The following SECISBP2L variants were observed in gnomAD, a reference collection of about 807,000 sequenced individuals.
The protein encoded by SECISBP2L is SECIS binding protein 2 like, also known as selenocysteine insertion sequence-binding protein 2-like.
Under a neutral mutation model 114.7 loss-of-function variants are expected in SECISBP2L, and 43 were observed. That is an observed-to-expected ratio of 0.38 (90% CI 0.29 to 0.48). SECISBP2L has a LOEUF of 0.48. SECISBP2L is among the 20% of genes least tolerant of loss of function. The probability of loss-of-function intolerance (pLI) is 0.98; values close to 1 mark genes in which losing one functional copy is unlikely to be tolerated. For synonymous variants in SECISBP2L, 451 were observed against 439.7 expected, an observed-to-expected ratio of 1.03 and a Z score of -0.32; for missense variants, 1,136 against 1,301.1, an observed-to-expected ratio of 0.87 and a Z score of 1.95.
At chr15:49,003,871 G>A (rs1372373601) in intron 14 of SECISBP2L, among the ~76,000 whole-genome samples, 1 of 152,218 alleles carries the variant, frequency 6.6e-6, no homozygotes, top group Admixed American at 6.5e-5. Context: ...CCGCATCGAT[G>A]TTCATCAGGG....
rs17470994 is a variant in SECISBP2L, at chr15:49,012,128, G to C, written c.1732-265C>G. Among the ~76,000 whole-genome samples the C allele has an allele frequency of 0.062, 6,837 of 110,076 alleles. 229 individuals are homozygous for C. The highest frequency in any genetic ancestry group is 0.11 in the Middle Eastern group (24 of 220). 72.2% of individuals were successfully genotyped at this position (110,076 alleles called of 152,430 possible). ...TTTAAATCCTAGGTGGCAAACTAGA[G>C]TTTCCAAAAAAAAAAAGGGTAAATT... is the stretch of plus-strand genomic sequence containing the variant. On this transcript the variant is annotated intron_variant, in intron 12 of 17. Coordinates refer to ENST00000559471, the MANE Select transcript of SECISBP2L (RefSeq NM_001193489.2).
At chr15:49,005,660 T>C (rs1902306699) in intron 14 of SECISBP2L, among the ~76,000 whole-genome samples, 1 of 149,346 alleles carries the variant, frequency 6.7e-6, no homozygotes, top group African/African-American at 2.5e-5. Flanking sequence ...GCACGTGAGA[T>C]GGGTCTCCTG....
rs755370605 is a variant in SECISBP2L, at chr15:49,000,962, A to C, written c.2163T>G (p.Gly721=). The change falls in exon 15 of 18, where the codon GGT becomes GGG. Residue 721 remains glycine, a synonymous_variant. Coordinates refer to ENST00000559471, the MANE Select transcript of SECISBP2L (RefSeq NM_001193489.2). ...TCATATGTTTGGTAACTTCTCTTAG[A>C]CCCATAACGAGTCGTCTCCTTGCTT... ...RAKARRRLVM[G]LREVTKHMKL... The C allele has an allele frequency of 3.1e-6, 5 of 1,613,704 alleles. No individual in the cohort carries two copies. In the South Asian group the frequency reaches 5.5e-5, roughly 18 times the overall value.
At chr15:49,024,068 C>T (rs188998469) in intron 7 of SECISBP2L, among the ~76,000 whole-genome samples, 4 of 151,926 alleles carry the variant, frequency 2.6e-5, no homozygotes, top group African/African-American at 7.2e-5. Flanking sequence ...AGACCTATAC[C>T]AGACTAAAGA....
At position 48,992,565 on chromosome 15, in the gene SECISBP2L, A is replaced by G. The variant is rs377620350; in HGVS notation, c.2985T>C (p.Asp995=). Residue 995 remains aspartate (D), a synonymous_variant, in exon 18 of 18, where the codon GAT becomes GAC. Transcript: ENST00000559471. ...PGMLEEEEDE[D]EEEEEDYTHE... is the part of the protein sequence containing the mutation. Reference sequence around the variant, plus strand: ...GAGTATAATCTTCCTCCTCCTCCTCATCTTCATCTTCTTCTTCTTCAAGCA... The same window carrying G: ...GAGTATAATCTTCCTCCTCCTCCTCGTCTTCATCTTCTTCTTCTTCAAGCA... The G allele has an allele frequency of 1.2e-6, 2 of 1,613,536 alleles. No homozygotes were observed. Among genetic ancestry groups the G allele is most frequent in the African/African-American group, 1.3e-5 (1 of 74,756 alleles).
chr15:49,021,089 G>A (rs1902632549), intron 7 of SECISBP2L, among the ~76,000 whole-genome samples: 2 of 151,968 alleles, frequency 1.3e-5, no homozygotes, highest in African/African-American at 2.4e-5. Flanking sequence ...TGAGGGCAGA[G>A]CCATCACAAA....
Position 48,999,903 on chromosome 15 carries a change from G to A in SECISBP2L, c.2333C>T (p.Ala778Val). 1 of 1,613,994 alleles carries A rather than the reference G, an allele frequency of 6.2e-7. No individual in the cohort carries two copies. The change falls in exon 16 of 18, where the codon GCT becomes GTT. Residue 778 changes from alanine to valine, a missense_variant. Physicochemically the swap from Ala to Val is moderately conservative, Grantham distance 64. Transcript: ENST00000559471. ...IPFVFALGRK[A>V]LGRCVNKLVP... ...CAGCTTGTTCACACAGCGTCCTAGA[G>A]CTTTCCTTCCAAGGGCAAACACAAA...
chr15:49,019,314 T>C (rs1372090394), intron 8 of SECISBP2L, 104 bp downstream of exon 8: 6 of 903,252 alleles, frequency 6.6e-6, no homozygotes, highest in Non-Finnish European at 8.8e-6. Context: ...TAGAATCACA[T>C]GTTAAGACAT....
rs575199409 is a variant in SECISBP2L, at chr15:49,011,075, C to T, written c.1864+656G>A. On this transcript the variant is annotated intron_variant, in intron 13 of 17. Transcript: ENST00000559471. ...AATCTTTAGAAATCAACTCATTTTT[C>T]TAAAAACAATGAAACATTGTTGCTT... Among the ~76,000 whole-genome samples, 135 of 152,228 alleles carry T rather than the reference C, an allele frequency of 8.9e-4. 1 individual carries two copies. The highest frequency in any genetic ancestry group is 3.1e-3 in the African/African-American group (130 of 41,542).
intron 7 of SECISBP2L, among the ~76,000 whole-genome samples, chr15:49,024,450 C>T (rs536457214): frequency 7.4e-5 from 11 of 148,618 alleles, no homozygotes; most frequent in South Asian, 4.2e-4. Context: ...GAGCTAAGAT[C>T]GTGCCACTGC....
At chr15:49,044,433 G>A (rs1031128619) in intron 1 of SECISBP2L, among the ~76,000 whole-genome samples, 8 of 152,094 alleles carry the variant, frequency 5.3e-5, no homozygotes, top group Admixed American at 5.2e-4. Context: ...CTAGAAAAAG[G>A]CATATAAAGA....
chr15:49,013,675 C>T (rs906459322), intron 11 of SECISBP2L, among the ~76,000 whole-genome samples: 2 of 152,292 alleles, frequency 1.3e-5, no homozygotes, highest in African/African-American at 4.8e-5. Context: ...AAATCCCCAA[C>T]CTCAATCCTC....
chr15:48,989,103 A>G lies in SECISBP2L; in HGVS notation c.*3141T>C, dbSNP rs1055547583. 6.6e-6 allele frequency: 1 copy of G among 150,856 alleles called. No homozygotes were observed. The highest frequency in any genetic ancestry group is 1.5e-5 in the Non-Finnish European group (1 of 67,656). The allele number at this position is 150,856 out of a possible 1,614,324, so 9.3% of individuals were successfully genotyped here. A position where few individuals can be genotyped will look rare whatever the true frequency, so the allele number is the denominator to read the frequency against. ...GTTGATGTTCTAACCTGTTGGCCCA[A>G]CATACAGAAAATACATGACAAGGGT... On this transcript the variant is annotated 3_prime_UTR_variant, in exon 18 of 18. Transcript: ENST00000559471.
intron 1 of SECISBP2L, among the ~76,000 whole-genome samples, chr15:49,045,888 G>T (rs968477505): frequency 6.6e-5 from 10 of 152,050 alleles, no homozygotes; most frequent in Non-Finnish European, 4.4e-5. Flanking sequence ...AGTCTTTCTG[G>T]GTGAGAAGCC....
intron 14 of SECISBP2L, 47 bp from the exon 15 acceptor site, chr15:49,001,144 CTA>C (rs766528308): frequency 1.4e-5 from 18 of 1,294,520 alleles, no homozygotes; most frequent in Non-Finnish European, 1.8e-5. Context: ...ATTTTTTTCC[CTA>C]TAGTTATAAA....
intron 14 of SECISBP2L, among the ~76,000 whole-genome samples, chr15:49,005,645 T>C (rs1349040316): frequency 6.7e-6 from 1 of 149,582 alleles, no homozygotes; most frequent in South Asian, 2.2e-4. Context: ...CCTATGTGTG[T>C]CTTTGCACGT....
Position 49,012,769 on chromosome 15 carries a change from G to A in SECISBP2L, c.1610C>T (p.Pro537Leu), listed in dbSNP as rs770116593. Residue 537 changes from proline to leucine, a missense_variant, in exon 12 of 18, where the codon CCT (proline) becomes CTT (leucine). By Grantham distance (98) the Pro-to-Leu change is moderately conservative. This residue lies in a region of SECISBP2L where 684 missense variants were observed against 848.7 expected (regional missense o/e 0.81). Coordinates refer to ENST00000559471, the MANE Select transcript of SECISBP2L (RefSeq NM_001193489.2). ...CAAACAGGGCTGACTTTTGGTTAAAGGTTTTCTATTAGTAGAGTCTTTAGT... is the reference window on the plus strand; with the variant it reads ...CAAACAGGGCTGACTTTTGGTTAAAAGTTTTCTATTAGTAGAGTCTTTAGT... ...FHTKDSTNRK[P>L]LTKSQPCLTS... The A allele has an allele frequency of 2.7e-5, 43 of 1,612,456 alleles. No homozygotes were observed. Among genetic ancestry groups the A allele is most frequent in the Non-Finnish European group, 3.6e-5 (42 of 1,179,176 alleles).
chr15:49,000,947 G>A lies in SECISBP2L; in HGVS notation c.2178C>T (p.Thr726=), dbSNP rs1190539418. 5 of 1,613,690 alleles carry A rather than the reference G, an allele frequency of 3.1e-6. No individual in the cohort carries two copies. Among genetic ancestry groups the A allele is most frequent in the South Asian group, 1.1e-5 (1 of 91,016 alleles). Reference sequence around the variant, plus strand: ...TGATCTTGTTTAACTTCATATGTTTGGTAACTTCTCTTAGACCCATAACGA... The same window carrying A: ...TGATCTTGTTTAACTTCATATGTTTAGTAACTTCTCTTAGACCCATAACGA... The part of the protein sequence containing the change: ...RRLVMGLREV[T]KHMKLNKIKC... The change falls in exon 15 of 18, where the codon ACC becomes ACT. Residue 726 remains threonine, a synonymous_variant. Transcript: ENST00000559471.
intron 15 of SECISBP2L, 67 bp downstream of exon 15, chr15:49,000,810 T>C: frequency 7.8e-7 from 1 of 1,282,194 alleles, no homozygotes; most frequent in Admixed American, 2.4e-5. Context: ...ATATGGCTTC[T>C]ACTTTATATT....
Sources: allele counts gnomAD v4.1 joint callset (sites outside exome capture counted in the v4.1 genomes callset), GRCh38; gene constraint gnomAD v4.1.1; regional missense constraint gnomAD v4.1.1; transcripts MANE v1.5; gene names NCBI Gene and HGNC (gene_info 2026-07-23, HGNC 2026-07-21).